Variants in ICA1 observed in about 807,000 individuals in gnomAD.
The protein encoded by ICA1 is islet cell autoantigen 1.
ICA1 carries 40 observed loss-of-function variants against 71.0 expected under a neutral mutation model. That is an observed-to-expected ratio of 0.56 (90% confidence interval 0.44 to 0.73). ICA1 has a LOEUF of 0.73. Ranked by LOEUF, ICA1 falls within the 30% of genes least tolerant of loss-of-function variation. ICA1 has a pLI of 0.00. For missense variants in ICA1, 578 were observed against 576.5 expected, an observed-to-expected ratio of 1.00 and a Z score of -0.03; for synonymous variants, 207 against 209.5, an observed-to-expected ratio of 0.99 and a Z score of 0.10.
At position 8,163,011 on chromosome 7, in the gene ICA1, G is replaced by A. The variant is rs148744589; in HGVS notation, c.580-4359C>T. Among the ~76,000 whole-genome samples, 59 of 152,204 alleles carry A rather than the reference G, an allele frequency of 3.9e-4. 1 individual carries two copies. The highest frequency in any genetic ancestry group is 1.3e-3 in the African/African-American group (55 of 41,552). On this transcript the variant is annotated intron_variant, in intron 6 of 13. Coordinates refer to ENST00000402384, the MANE Select transcript of ICA1 (RefSeq NM_001136020.3). ...ACTTGTGACCTCAGAAAATCCGCCCGCCTTGGCCTCCCAAAGTGCTAGGAT... is the reference window on the plus strand; with the variant it reads ...ACTTGTGACCTCAGAAAATCCGCCCACCTTGGCCTCCCAAAGTGCTAGGAT...
chr7:8,242,914 G>A (rs947338140), intron 1 of ICA1, among the ~76,000 whole-genome samples: 18 of 151,950 alleles, frequency 1.2e-4, no homozygotes, highest in African/African-American at 4.3e-4. Context: ...TGAAATTGAG[G>A]CAATAATTAA....
chr7:8,174,015 T>C (rs1779699671), intron 6 of ICA1, among the ~76,000 whole-genome samples: 1 of 152,100 alleles, frequency 6.6e-6, no homozygotes, highest in African/African-American at 2.4e-5. Flanking sequence ...AGGATTCTGT[T>C]TCATATGGAA....
chr7:8,233,639 G>A (rs532520559), intron 2 of ICA1, among the ~76,000 whole-genome samples: 173 of 152,016 alleles, frequency 1.1e-3, no homozygotes, highest in African/African-American at 3.7e-3. Context: ...CAGATGATCC[G>A]CCCTCCTCAG....
intron 6 of ICA1, among the ~76,000 whole-genome samples, chr7:8,159,593 G>C (rs1321184443): frequency 6.6e-6 from 1 of 152,044 alleles, no homozygotes; most frequent in Non-Finnish European, 1.5e-5. Context: ...CCAGCTACTG[G>C]GGAGGCTAAG....
rs150812369 is a variant in ICA1 at position 8,227,052 on chromosome 7, TA to T, written c.256+1548del. On this transcript the variant is annotated intron_variant, in intron 4 of 13. Transcript: ENST00000402384. Reference sequence around the variant, plus strand: ...ACACACCAACTTCATGTGACTTACTTAAAAAAATAAAGTTACAATTTTCTAA... The same window carrying T: ...ACACACCAACTTCATGTGACTTACTTAAAAAATAAAGTTACAATTTTCTAA... Among the ~76,000 whole-genome samples the T allele has an allele frequency of 2.8e-4, 43 of 152,276 alleles. 1 individual carries two copies. Among genetic ancestry groups the T allele is most frequent in the African/African-American group, 9.1e-4 (38 of 41,562 alleles).
intron 13 of ICA1, chr7:8,115,075 A>C (rs923632049): frequency 1.3e-5 from 2 of 152,214 alleles, no homozygotes; most frequent in African/African-American, 4.8e-5. Flanking sequence ...CCTTTCATCA[A>C]AATGGCACTG....
intron 6 of ICA1, among the ~76,000 whole-genome samples, chr7:8,189,315 A>C (rs767024968): frequency 2.0e-5 from 3 of 152,148 alleles, no homozygotes; most frequent in Non-Finnish European, 4.4e-5. Context: ...GAGGCTTATA[A>C]CTCATTTAGT....
At chr7:8,253,106 C>T (rs1259991799) in intron 1 of ICA1, among the ~76,000 whole-genome samples, 1 of 152,090 alleles carries the variant, frequency 6.6e-6, no homozygotes, top group East Asian at 1.9e-4. Context: ...TGTTGGAGAG[C>T]CTCAGTCTAA....
At chr7:8,213,153 G>C (rs1794363356) in intron 6 of ICA1, among the ~76,000 whole-genome samples, 1 of 152,140 alleles carries the variant, frequency 6.6e-6, no homozygotes, top group South Asian at 2.1e-4. Flanking sequence ...AAATGAAAAT[G>C]GCGAGTTATG....
intron 6 of ICA1, among the ~76,000 whole-genome samples, chr7:8,214,821 C>T (rs17145304): frequency 0.045 from 6,889 of 152,274 alleles, 505 homozygotes; most frequent in African/African-American, 0.15. Context: ...TCTTGGCAAT[C>T]TGAAGACACT....
intron 1 of ICA1, among the ~76,000 whole-genome samples, chr7:8,238,546 T>G (rs1193089704): frequency 6.6e-6 from 1 of 152,228 alleles, no homozygotes; most frequent in African/African-American, 2.4e-5. Context: ...TTCCAGATAT[T>G]GATCCCTTAT....
intron 6 of ICA1, among the ~76,000 whole-genome samples, chr7:8,174,098 C>T (rs1779724768): frequency 6.6e-6 from 1 of 152,058 alleles, no homozygotes; most frequent in African/African-American, 2.4e-5. Context: ...GCAAACCATA[C>T]CGATCTCAGG....
chr7:8,228,473 C>G, intron 4 of ICA1, 128 bp downstream of exon 4: 1 of 498,892 alleles, frequency 2.0e-6, no homozygotes, highest in East Asian at 3.3e-5. Flanking sequence ...ATTAGAGACT[C>G]TCCTCCCAAC....
At chr7:8,200,847 T>C (rs1789403773) in intron 6 of ICA1, among the ~76,000 whole-genome samples, 1 of 152,204 alleles carries the variant, frequency 6.6e-6, no homozygotes, top group African/African-American at 2.4e-5. Context: ...CTTTTCTAAT[T>C]TCTCACTGTC....
chr7:8,246,216 C>T (rs1423157441), intron 1 of ICA1, among the ~76,000 whole-genome samples: 1 of 152,190 alleles, frequency 6.6e-6, no homozygotes, highest in African/African-American at 2.4e-5. Context: ...AAGATATTGT[C>T]ACAGTCAGCA....
In ICA1 at chr7:8,132,481, G is replaced by C. The variant is rs562660314; in HGVS notation, c.1061-4339C>G. On this transcript the variant is annotated intron_variant, in intron 12 of 13. Transcript: ENST00000402384. This position sits in a 1 kb window ranked among gnomAD's most constrained non-coding sequence, Gnocchi z 4.5. The stretch of plus-strand genomic sequence containing the variant: ...CTCAGCTGCCTGTAATTAAGTTCCT[G>C]CCCCCACCCTATACTGAAATAGCTC... Among the ~76,000 whole-genome samples, 48 of 152,116 alleles carry C rather than the reference G, an allele frequency of 3.2e-4. No individual in the cohort carries two copies. The highest frequency in any genetic ancestry group is 1.1e-3 in the African/African-American group (47 of 41,478).
At chr7:8,220,355 A>G (rs975391674) in intron 5 of ICA1, among the ~76,000 whole-genome samples, 2 of 152,216 alleles carry the variant, frequency 1.3e-5, no homozygotes, top group African/African-American at 4.8e-5. Flanking sequence ...TTTCAAAGGA[A>G]CAACCATGTA....
intron 13 of ICA1, 161 bp from the exon 14 acceptor site, chr7:8,114,205 T>C (rs915822478): frequency 6.8e-6 from 5 of 737,538 alleles, no homozygotes; most frequent in Non-Finnish European, 8.8e-6. Context: ...CCAACTCCCG[T>C]GGCTGGTTGG....
intron 6 of ICA1, among the ~76,000 whole-genome samples, chr7:8,161,638 G>A (rs1438009254): frequency 6.6e-6 from 1 of 152,194 alleles, no homozygotes; most frequent in Non-Finnish European, 1.5e-5. Flanking sequence ...CTGGAGGGGG[G>A]TGAGAAACAT....
Sources: gnomAD v4.1 joint callset for allele counts (sites outside exome capture counted in the v4.1 genomes callset) on GRCh38, gnomAD v4.1.1 for gene constraint, Gnocchi (gnomAD v3.1) non-coding constraint, MANE v1.5 for transcripts, NCBI Gene and HGNC (gene_info 2026-07-23, HGNC 2026-07-21) for gene names.